ENTREP2: variants seen among roughly 807,000 people sequenced by gnomAD.
ENTREP2 encodes protein ENTREP2.
chr15:29,642,346 T>C, the ENTREP2 span, among the ~76,000 whole-genome samples: 1 of 151,870 alleles, frequency 6.6e-6, no homozygotes, highest in African/African-American at 2.4e-5. Flanking sequence ...CATCTCTATA[T>C]TCAACTGATT....
chr15:29,224,211 C>T, the ENTREP2 span, among the ~76,000 whole-genome samples: 14 of 152,038 alleles, frequency 9.2e-5, no homozygotes, highest in Non-Finnish European at 2.9e-5. Flanking sequence ...CAAATCGGCG[C>T]GTCTGGAGTT....
chr15:29,236,784 T>A, the ENTREP2 span, among the ~76,000 whole-genome samples: 1 of 151,936 alleles, frequency 6.6e-6, no homozygotes, highest in African/African-American at 2.4e-5. Context: ...TTCTACATAA[T>A]CCCTTCCAGA....
chr15:29,670,769 G>T, the ENTREP2 span, among the ~76,000 whole-genome samples: 2 of 152,216 alleles, frequency 1.3e-5, no homozygotes, highest in African/African-American at 4.8e-5. Flanking sequence ...GCTGCCCAGG[G>T]CCTCATGCCT....
the ENTREP2 span, among the ~76,000 whole-genome samples, chr15:29,537,205 G>A: frequency 6.6e-6 from 1 of 152,102 alleles, no homozygotes; most frequent in South Asian, 2.1e-4. Flanking sequence ...TGGTCCCAAG[G>A]GAGGGGACTA....
At chr15:29,444,092 G>A in the ENTREP2 span, among the ~76,000 whole-genome samples, 1 of 151,754 alleles carries the variant, frequency 6.6e-6, no homozygotes, top group African/African-American at 2.4e-5. Context: ...GACAGAGCAA[G>A]ACTCCGTCTC....
At chr15:29,266,572 A>T in the ENTREP2 span, 2 of 152,386 alleles carry the variant, frequency 1.3e-5, no homozygotes, top group African/African-American at 4.8e-5. Flanking sequence ...TGAGTGAATC[A>T]GGTCTACATA....
the ENTREP2 span, among the ~76,000 whole-genome samples, chr15:29,240,845 G>A: frequency 6.6e-6 from 1 of 152,164 alleles, no homozygotes. Context: ...CGTACAGAAT[G>A]TGCTCAAGCA....
the ENTREP2 span, among the ~76,000 whole-genome samples, chr15:29,493,694 G>A: frequency 6.6e-6 from 1 of 152,044 alleles, no homozygotes; most frequent in Non-Finnish European, 1.5e-5. Flanking sequence ...AAGCATTCCT[G>A]GCTAGGCATG....
At chr15:29,357,370 A>G in the ENTREP2 span, among the ~76,000 whole-genome samples, 2 of 152,198 alleles carry the variant, frequency 1.3e-5, no homozygotes, top group Non-Finnish European at 2.9e-5. Flanking sequence ...CATAAGAAAA[A>G]TGACATGGTA....
chr15:29,627,824 CTTTT>C, the ENTREP2 span, among the ~76,000 whole-genome samples: 1 of 152,102 alleles, frequency 6.6e-6, no homozygotes, highest in Admixed American at 6.5e-5. Context: ...AAATTTCCTT[CTTTT>C]TTAAGACTGG....
At chr15:29,661,853 T>A in the ENTREP2 span, among the ~76,000 whole-genome samples, 1 of 152,306 alleles carries the variant, frequency 6.6e-6, no homozygotes, top group Non-Finnish European at 1.5e-5. Flanking sequence ...ACACACACAT[T>A]AACCTTTAAA....
At chr15:29,376,747 T>C in the ENTREP2 span, 1 of 152,184 alleles carries the variant, frequency 6.6e-6, no homozygotes, top group Non-Finnish European at 1.5e-5. Context: ...TCGCTCTGTG[T>C]GTCTGTAAGC....
chr15:29,557,971 G>A, the ENTREP2 span, among the ~76,000 whole-genome samples: 3 of 152,292 alleles, frequency 2.0e-5, no homozygotes, highest in South Asian at 4.1e-4. Flanking sequence ...CTAAACCACA[G>A]TGCAATATGG....
At chr15:29,300,239 A>ATGG in the ENTREP2 span, among the ~76,000 whole-genome samples, 2 of 135,740 alleles carry the variant, frequency 1.5e-5, no homozygotes, top group Admixed American at 7.4e-5. Context: ...TGGATGGAGA[A>ATGG]ATGGATGGAT....
chr15:29,404,298 G>C, the ENTREP2 span, among the ~76,000 whole-genome samples: 2 of 151,970 alleles, frequency 1.3e-5, no homozygotes, highest in Admixed American at 1.3e-4. Context: ...AACACAGTAG[G>C]GATATGGACA....
chr15:29,412,128 A>C, the ENTREP2 span, among the ~76,000 whole-genome samples: 6 of 152,248 alleles, frequency 3.9e-5, no homozygotes, highest in African/African-American at 1.4e-4. Flanking sequence ...AGGATTTTTA[A>C]TGAAATCAAT....
chr15:29,561,653 G>A, the ENTREP2 span, among the ~76,000 whole-genome samples: 1 of 151,702 alleles, frequency 6.6e-6, no homozygotes, highest in Non-Finnish European at 1.5e-5. Context: ...ACGCCACTGC[G>A]CTCCAGCCTG....
chr15:29,468,243 T>C, the ENTREP2 span, among the ~76,000 whole-genome samples: 2 of 152,156 alleles, frequency 1.3e-5, no homozygotes, highest in African/African-American at 4.8e-5. Context: ...CAAATATTCA[T>C]TTTATAAGCT....
At chr15:29,195,255 G>C in the ENTREP2 span, 1 of 985,320 alleles carries the variant, frequency 1.0e-6, no homozygotes, top group Non-Finnish European at 1.2e-6. Flanking sequence ...TGTGAGCCAG[G>C]CGTAGTCCTA....
Sources: gnomAD v4.1 joint callset for allele counts (sites outside exome capture counted in the v4.1 genomes callset) on GRCh38, gnomAD v4.1.1 for gene constraint, MANE v1.5 for transcripts, NCBI Gene and HGNC (gene_info 2026-07-23, HGNC 2026-07-21) for gene names.